The following UBE2E2 variants were observed in gnomAD, a reference collection of about 807,000 sequenced individuals.
The protein encoded by UBE2E2 is ubiquitin conjugating enzyme E2 E2, also known as ubiquitin-conjugating enzyme E2 E2.
UBE2E2 carries 6 observed loss-of-function variants against 24.7 expected under a neutral mutation model. The observed-to-expected ratio is 0.24, with a 90% CI of 0.13 to 0.48. UBE2E2 has a LOEUF of 0.48. UBE2E2 is among the 20% of genes least tolerant of loss of function. UBE2E2 has a pLI of 0.99. For synonymous variants in UBE2E2, 104 were observed against 83.6 expected, an observed-to-expected ratio of 1.24 and a Z score of -1.33; for missense variants, 169 against 245.0, an observed-to-expected ratio of 0.69 and a Z score of 2.07.
At chr3:23,389,953 C>G (rs1369965484) in intron 3 of UBE2E2, 1 of 152,648 alleles carries the variant, frequency 6.6e-6, no homozygotes, top group African/African-American at 2.4e-5. Context: ...GGAGGCAGTT[C>G]ATTGCAACCT....
chr3:23,578,075 C>T (rs1234637324), intron 5 of UBE2E2, among the ~76,000 whole-genome samples: 3 of 147,234 alleles, frequency 2.0e-5, no homozygotes, highest in African/African-American at 5.0e-5. Flanking sequence ...CCAGAGTCTA[C>T]AAGGAACTTA....
chr3:23,579,582 C>T (rs528560709), intron 5 of UBE2E2, among the ~76,000 whole-genome samples: 1 of 151,128 alleles, frequency 6.6e-6, no homozygotes, highest in South Asian at 2.1e-4. Flanking sequence ...TGTCTGTAGT[C>T]CTAACTACTT....
intron 3 of UBE2E2, among the ~76,000 whole-genome samples, chr3:23,362,668 G>A (rs1696150948): frequency 2.0e-5 from 3 of 152,152 alleles, no homozygotes; most frequent in South Asian, 2.1e-4. Flanking sequence ...ATGCCTGCTA[G>A]AGTTTCTGGC....
chr3:23,557,688 T>C (rs1235380131), intron 5 of UBE2E2, among the ~76,000 whole-genome samples: 2 of 152,212 alleles, frequency 1.3e-5, no homozygotes, highest in African/African-American at 4.8e-5. Flanking sequence ...AATGACATAT[T>C]GGAGACCCTG....
intron 3 of UBE2E2, among the ~76,000 whole-genome samples, chr3:23,488,431 A>C (rs1423791052): frequency 6.6e-6 from 1 of 152,102 alleles, no homozygotes; most frequent in Non-Finnish European, 1.5e-5. Context: ...CTCATCGTTC[A>C]ACTCCCACTT....
At chr3:23,576,278 C>T (rs1211196613) in intron 5 of UBE2E2, among the ~76,000 whole-genome samples, 1 of 151,962 alleles carries the variant, frequency 6.6e-6, no homozygotes, top group Non-Finnish European at 1.5e-5. Flanking sequence ...TCACAGATAG[C>T]CTCCAGTGAC....
rs76767525 is a variant in UBE2E2 at position 23,225,122 on chromosome 3, C to T, written c.227+7810C>T. Among the ~76,000 whole-genome samples the T allele has an allele frequency of 3.0e-3, 450 of 152,000 alleles. 17 individuals are homozygous for T. In the East Asian group the frequency reaches 0.076, roughly 26 times the overall value. ...GAGAAATGTTAGTTCAAATCCTGCT[C>T]CATTTTTTAATGACTTGTCGTTTTA... On this transcript the variant is annotated intron_variant, in intron 3 of 5. Transcript: ENST00000396703.
At chr3:23,494,470 C>G (rs1029709518) in intron 3 of UBE2E2, among the ~76,000 whole-genome samples, 2 of 152,192 alleles carry the variant, frequency 1.3e-5, no homozygotes, top group Non-Finnish European at 2.9e-5. Context: ...ATATTTTACA[C>G]ATACAGCACA....
At chr3:23,456,653 C>G (rs575741830) in intron 3 of UBE2E2, among the ~76,000 whole-genome samples, 1 of 152,300 alleles carries the variant, frequency 6.6e-6, no homozygotes, top group Admixed American at 6.5e-5. Context: ...TAGGTCTCAA[C>G]AGTGGACTTT....
intron 3 of UBE2E2, among the ~76,000 whole-genome samples, chr3:23,351,259 C>T (rs989589758): frequency 1.3e-5 from 2 of 152,162 alleles, no homozygotes; most frequent in African/African-American, 2.4e-5. Flanking sequence ...AAAGGAACAA[C>T]CGGTACCAGC....
intron 3 of UBE2E2, among the ~76,000 whole-genome samples, chr3:23,377,255 G>A (rs906419401): frequency 2.0e-5 from 3 of 152,106 alleles, no homozygotes; most frequent in Non-Finnish European, 2.9e-5. Flanking sequence ...CTGAAAAAGT[G>A]ATAAAATTGT....
At chr3:23,287,095 G>T (rs1039362189) in intron 3 of UBE2E2, among the ~76,000 whole-genome samples, 1 of 151,940 alleles carries the variant, frequency 6.6e-6, no homozygotes, top group East Asian at 1.9e-4. Flanking sequence ...TTATGTTGAG[G>T]TGTATTCCTT....
intron 3 of UBE2E2, among the ~76,000 whole-genome samples, chr3:23,249,516 C>T (rs1387170889): frequency 1.3e-5 from 2 of 152,032 alleles, no homozygotes; most frequent in African/African-American, 4.8e-5. Context: ...AATTGGGAAG[C>T]AAAGAGATTG....
At chr3:23,571,456 A>G (rs1696229011) in intron 5 of UBE2E2, among the ~76,000 whole-genome samples, 1 of 150,206 alleles carries the variant, frequency 6.7e-6, no homozygotes, top group African/African-American at 2.4e-5. Context: ...CGCCTGGCTA[A>G]TTTTTGTATT....
intron 3 of UBE2E2, among the ~76,000 whole-genome samples, chr3:23,269,601 C>G (rs1698176154): frequency 6.6e-6 from 1 of 152,194 alleles, no homozygotes; most frequent in Non-Finnish European, 1.5e-5. Context: ...AAATTTGTAA[C>G]TGTCATGCAA....
chr3:23,251,036 A>G (rs1575504131), intron 3 of UBE2E2, among the ~76,000 whole-genome samples: 1 of 152,054 alleles, frequency 6.6e-6, no homozygotes, highest in East Asian at 1.9e-4. Context: ...AAAAAAGATT[A>G]TTTGTAAAGA....
At chr3:23,297,048 T>C (rs1381049362) in intron 3 of UBE2E2, among the ~76,000 whole-genome samples, 1 of 152,268 alleles carries the variant, frequency 6.6e-6, no homozygotes, top group East Asian at 1.9e-4. Flanking sequence ...TTTGCATTTC[T>C]CTGATGGCCG....
intron 3 of UBE2E2, among the ~76,000 whole-genome samples, chr3:23,459,418 G>T (rs1029279641): frequency 6.6e-6 from 1 of 152,178 alleles, no homozygotes; most frequent in Admixed American, 6.5e-5. Context: ...TAGTTCAACA[G>T]TTATTAAAAA....
rs1306376468 is a variant in UBE2E2, at chr3:23,590,066, G to A, written c.*235G>A. 2 of 432,312 alleles carry A rather than the reference G, an allele frequency of 4.6e-6. No individual in the cohort carries two copies. The highest frequency in any genetic ancestry group is 4.0e-5 in the African/African-American group (2 of 50,362). The allele number at this position is 432,312 out of a possible 1,614,324, so 26.8% of individuals were successfully genotyped here. ...TTCCCTTGTTGATTTCTGTTAACTT[G>A]AAAGATTTGGGATTTTTTCCCACCT... On this transcript the variant is annotated 3_prime_UTR_variant, in exon 6 of 6. Transcript: ENST00000396703.
Sources: allele counts gnomAD v4.1 joint callset (sites outside exome capture counted in the v4.1 genomes callset), GRCh38; gene constraint gnomAD v4.1.1; transcripts MANE v1.5; gene names NCBI Gene and HGNC (gene_info 2026-07-23, HGNC 2026-07-21).